The following SHISA9 variants were observed in gnomAD, a reference collection of about 807,000 sequenced individuals.
SHISA9 encodes protein shisa-9.
In SHISA9, 13 loss-of-function variants were observed where a neutral mutation model predicts 38.0. The observed-to-expected ratio is 0.34, with a 90% CI of 0.22 to 0.54. SHISA9 has a LOEUF of 0.54. Among genes scored for constraint, SHISA9 ranks in the 20% least tolerant of loss-of-function variants. SHISA9 has a pLI of 0.91. For missense variants in SHISA9, 538 were observed against 575.8 expected, an observed-to-expected ratio of 0.93 and a Z score of 0.67; for synonymous variants, 275 against 242.0, an observed-to-expected ratio of 1.14 and a Z score of -1.27.
chr16:13,056,026 C>T (rs1220316765), intron 2 of SHISA9, among the ~76,000 whole-genome samples: 1 of 152,176 alleles, frequency 6.6e-6, no homozygotes, highest in Admixed American at 6.5e-5. Flanking sequence ...GGCAGATCCG[C>T]CTCTGTCATG....
intron 2 of SHISA9, among the ~76,000 whole-genome samples, chr16:13,085,201 C>T (rs538637847): frequency 6.6e-6 from 1 of 152,288 alleles, no homozygotes; most frequent in East Asian, 1.9e-4. Context: ...TTCTTCAAAA[C>T]ACTTAGACCT....
chr16:12,995,428 A>C (rs1386941058), intron 2 of SHISA9, among the ~76,000 whole-genome samples: 1 of 152,176 alleles, frequency 6.6e-6, no homozygotes, highest in Non-Finnish European at 1.5e-5. Flanking sequence ...AGGCTGACTC[A>C]ATAGGCATCT....
the SHISA9 span, among the ~76,000 whole-genome samples, chr16:13,496,311 T>A: frequency 6.6e-6 from 1 of 152,112 alleles, no homozygotes; most frequent in African/African-American, 2.4e-5. Context: ...CAAGTTGTTA[T>A]AATAATAATA....
the SHISA9 span, among the ~76,000 whole-genome samples, chr16:13,355,102 G>A: frequency 6.7e-6 from 1 of 150,212 alleles, no homozygotes; most frequent in Non-Finnish European, 1.5e-5. Flanking sequence ...TGATAGGAGA[G>A]TATACGGGTT....
At chr16:13,187,335 T>TTTTC (rs1567239835) in intron 2 of SHISA9, among the ~76,000 whole-genome samples, 5 of 105,982 alleles carry the variant, frequency 4.7e-5, no homozygotes, top group East Asian at 2.4e-4. Flanking sequence ...TTTCTTTTTT[T>TTTTC]TTTTTTTTTT....
chr16:13,141,331 C>T (rs763706029), intron 2 of SHISA9, among the ~76,000 whole-genome samples: 4 of 152,052 alleles, frequency 2.6e-5, no homozygotes, highest in Non-Finnish European at 5.9e-5. Flanking sequence ...ATAGCTTGAA[C>T]CCTACACACA....
chr16:13,300,674 G>A, the SHISA9 span, among the ~76,000 whole-genome samples: 1 of 152,084 alleles, frequency 6.6e-6, no homozygotes, highest in African/African-American at 2.4e-5. Flanking sequence ...ATCAATAAAC[G>A]TGCCTGTGTC....
chr16:13,028,256 T>C (rs554763112), intron 2 of SHISA9, among the ~76,000 whole-genome samples: 51 of 152,282 alleles, frequency 3.3e-4, no homozygotes, highest in African/African-American at 1.2e-3. Context: ...CCTCTATCAT[T>C]GGGTTCTATT....
At chr16:13,229,269 G>A (rs372649653) in intron 4 of SHISA9, among the ~76,000 whole-genome samples, 11 of 152,294 alleles carry the variant, frequency 7.2e-5, no homozygotes, top group South Asian at 4.2e-4. Flanking sequence ...TGAGTGAGAC[G>A]GATGATAATG....
the SHISA9 span, among the ~76,000 whole-genome samples, chr16:13,256,555 C>T: frequency 6.6e-6 from 1 of 152,344 alleles, no homozygotes; most frequent in African/African-American, 2.4e-5. Context: ...GCTGGGATTA[C>T]AGGCGTGAGC....
chr16:13,089,808 C>T (rs1241164698), intron 2 of SHISA9, among the ~76,000 whole-genome samples: 2 of 152,060 alleles, frequency 1.3e-5, no homozygotes, highest in South Asian at 2.1e-4. Flanking sequence ...TCTTTCAGTT[C>T]TGCTCTGATC....
chr16:12,935,509 A>G (rs1345467625), intron 2 of SHISA9, among the ~76,000 whole-genome samples: 1 of 152,170 alleles, frequency 6.6e-6, no homozygotes, highest in African/African-American at 2.4e-5. Context: ...AAATGGGCAT[A>G]TGTGATCATG....
chr16:13,350,890 G>A, the SHISA9 span, among the ~76,000 whole-genome samples: 1 of 152,146 alleles, frequency 6.6e-6, no homozygotes, highest in Non-Finnish European at 1.5e-5. Flanking sequence ...AGAGTAAGTA[G>A]GACTTAATCT....
the SHISA9 span, among the ~76,000 whole-genome samples, chr16:13,308,523 A>G: frequency 6.6e-6 from 1 of 152,200 alleles, no homozygotes; most frequent in Non-Finnish European, 1.5e-5. Flanking sequence ...TGGGTCTCAG[A>G]CAAATATTCT....
At chr16:13,531,347 AG>A in the SHISA9 span, among the ~76,000 whole-genome samples, 2 of 152,354 alleles carry the variant, frequency 1.3e-5, no homozygotes, top group Middle Eastern at 3.4e-3. Flanking sequence ...CCACAATAAA[AG>A]TAACAGCTAA....
At position 12,912,059 on chromosome 16, in the gene SHISA9, G is replaced by T. The variant is rs577799556; in HGVS notation, c.564-4629G>T. On this transcript the variant is annotated intron_variant, in intron 1 of 4. Transcript: ENST00000558583. The stretch of plus-strand genomic sequence containing the variant: ...TGGTGGTCATCTTCCTTGGTCCAAG[G>T]TTCCTGATTCCTGCCATCTTACATG... Among the ~76,000 whole-genome samples the T allele has an allele frequency of 1.4e-4, 22 of 152,320 alleles. 1 individual carries two copies. The highest frequency in any genetic ancestry group is 5.0e-4 in the African/African-American group (21 of 41,586).
At chr16:13,518,273 AT>A in the SHISA9 span, among the ~76,000 whole-genome samples, 1 of 122,848 alleles carries the variant, frequency 8.1e-6, no homozygotes, top group Non-Finnish European at 1.8e-5. Context: ...GTTCAGAAAA[AT>A]TCTGGCTCCT....
the SHISA9 span, among the ~76,000 whole-genome samples, chr16:13,315,256 C>G: frequency 6.6e-6 from 1 of 152,222 alleles, no homozygotes; most frequent in Non-Finnish European, 1.5e-5. Flanking sequence ...GAACCTACCT[C>G]CCTGTCTTTA....
At chr16:13,464,827 C>G in the SHISA9 span, among the ~76,000 whole-genome samples, 2 of 151,590 alleles carry the variant, frequency 1.3e-5, no homozygotes, top group African/African-American at 4.9e-5. Context: ...ATGCCCACCC[C>G]CACCCCCCAC....
Sources: gnomAD v4.1 joint callset for allele counts (sites outside exome capture counted in the v4.1 genomes callset) on GRCh38, gnomAD v4.1.1 for gene constraint, MANE v1.5 for transcripts, NCBI Gene and HGNC (gene_info 2026-07-23, HGNC 2026-07-21) for gene names.